ETV6: variants seen among roughly 807,000 people sequenced by gnomAD.
ETV6 encodes transcription factor ETV6.
In ETV6, 16 loss-of-function variants were observed where a neutral mutation model predicts 51.1. The ratio of observed to expected loss-of-function variants is 0.31; its 90% CI spans 0.21 to 0.48. The LOEUF is 0.48. ETV6 is among the 20% of genes least tolerant of loss of function. ETV6 has a pLI of 0.99. For missense variants in ETV6, 458 were observed against 594.8 expected, an observed-to-expected ratio of 0.77 and a Z score of 2.39; for synonymous variants, 240 against 224.1, an observed-to-expected ratio of 1.07 and a Z score of -0.64.
chr12:11,785,214 G>C (rs960123465), intron 2 of ETV6, among the ~76,000 whole-genome samples: 1 of 152,080 alleles, frequency 6.6e-6, no homozygotes. Flanking sequence ...GCCGTACCAA[G>C]CATGTTCCTA....
At chr12:11,772,606 T>C (rs529575802) in intron 2 of ETV6, among the ~76,000 whole-genome samples, 2 of 152,302 alleles carry the variant, frequency 1.3e-5, no homozygotes, top group Admixed American at 6.5e-5. Context: ...AGTAATTGAT[T>C]GCATATTTCC....
At chr12:11,660,645 C>T (rs2250825) in intron 1 of ETV6, among the ~76,000 whole-genome samples, 108,032 of 148,784 alleles carry the variant, frequency 0.73, 43,126 homozygotes, top group Non-Finnish European at 0.87. Flanking sequence ...TGGGAATTTG[C>T]TAAGCTCTTT....
intron 1 of ETV6, among the ~76,000 whole-genome samples, chr12:11,750,466 A>G (rs1462042733): frequency 6.6e-6 from 1 of 152,196 alleles, no homozygotes; most frequent in African/African-American, 2.4e-5. Context: ...CTTTGCTTCA[A>G]GGGAAAGAAG....
chr12:11,745,359 A>T (rs1425018933), intron 1 of ETV6, among the ~76,000 whole-genome samples: 3 of 152,214 alleles, frequency 2.0e-5, no homozygotes, highest in Non-Finnish European at 4.4e-5. Flanking sequence ...TCGCCCATTT[A>T]TCTGGAGACT....
At chr12:11,776,219 G>A (rs2723828) in intron 2 of ETV6, among the ~76,000 whole-genome samples, 113,257 of 151,982 alleles carry the variant, frequency 0.75, 43,583 homozygotes, top group South Asian at 0.94. Flanking sequence ...ATGAGGATGC[G>A]GGACATTGTG....
chr12:11,787,399 T>C (rs1945503652), intron 2 of ETV6, among the ~76,000 whole-genome samples: 1 of 152,238 alleles, frequency 6.6e-6, no homozygotes, highest in African/African-American at 2.4e-5. Flanking sequence ...TTAATTTATA[T>C]TGATTATCTG....
intron 1 of ETV6, among the ~76,000 whole-genome samples, chr12:11,711,209 G>A (rs1021587531): frequency 1.3e-5 from 2 of 152,092 alleles, no homozygotes; most frequent in East Asian, 1.9e-4. Context: ...CTCCTTTCTC[G>A]TTTTCTTTTC....
chr12:11,729,320 G>A (rs1032630026), intron 1 of ETV6, among the ~76,000 whole-genome samples: 4 of 152,172 alleles, frequency 2.6e-5, no homozygotes, highest in Non-Finnish European at 4.4e-5. Context: ...CATCTGGGTG[G>A]GAGCACTAGA....
chr12:11,797,301 C>T (rs1193162498), intron 2 of ETV6, among the ~76,000 whole-genome samples: 1 of 152,122 alleles, frequency 6.6e-6, no homozygotes, highest in African/African-American at 2.4e-5. Context: ...TCGGCTGTAC[C>T]CACAGAGTCA....
At chr12:11,858,917 T>C (rs1488735124) in intron 4 of ETV6, among the ~76,000 whole-genome samples, 1 of 152,092 alleles carries the variant, frequency 6.6e-6, no homozygotes, top group Non-Finnish European at 1.5e-5. Context: ...TTGAGAGAAG[T>C]CATTTCTTTG....
intron 2 of ETV6, among the ~76,000 whole-genome samples, chr12:11,785,406 A>T (rs572191940): frequency 1.4e-4 from 21 of 152,162 alleles, no homozygotes; most frequent in South Asian, 8.3e-4. Context: ...ATTTATCACC[A>T]TTTGACACAG....
At chr12:11,833,035 T>A (rs993119564) in intron 2 of ETV6, among the ~76,000 whole-genome samples, 3 of 152,200 alleles carry the variant, frequency 2.0e-5, no homozygotes, top group Non-Finnish European at 4.4e-5. Flanking sequence ...TGCAGCAGGC[T>A]GGGATGATGG....
intron 2 of ETV6, among the ~76,000 whole-genome samples, chr12:11,831,619 A>G (rs546903044): frequency 6.6e-6 from 1 of 152,360 alleles, no homozygotes; most frequent in Admixed American, 6.5e-5. Flanking sequence ...AATATCACCT[A>G]CAATTTTACT....
chr12:11,734,789 A>G (rs991492779), intron 1 of ETV6, among the ~76,000 whole-genome samples: 1 of 137,158 alleles, frequency 7.3e-6, no homozygotes, highest in Non-Finnish European at 1.7e-5. Flanking sequence ...CTATGAAGTC[A>G]CACAGTAAGT....
chr12:11,894,350 C>T lies in ETV6; in HGVS notation c.*3304C>T. 4.3e-6 allele frequency: 1 copy of T among 233,110 alleles called. No individual in the cohort carries two copies. Among genetic ancestry groups the T allele is most frequent in the South Asian group, 1.8e-4 (1 of 5,524 alleles). 14.4% of individuals were successfully genotyped at this position (233,110 alleles called of 1,614,324 possible). On this transcript the variant is annotated 3_prime_UTR_variant, in exon 8 of 8. Transcript: ENST00000396373. ...CTACATCTCAAGCTAGCCAGGCAGT[C>T]TCCTCTCTATCAGAAGAAAGCACTG...
At chr12:11,833,799 A>T (rs1946277299) in intron 2 of ETV6, among the ~76,000 whole-genome samples, 1 of 152,198 alleles carries the variant, frequency 6.6e-6, no homozygotes, top group African/African-American at 2.4e-5. Context: ...AGGCTACACA[A>T]AAAGCACTAT....
chr12:11,707,280 G>A (rs985714930), intron 1 of ETV6, among the ~76,000 whole-genome samples: 4 of 152,226 alleles, frequency 2.6e-5, no homozygotes, highest in East Asian at 1.9e-4. Context: ...AGAATCCTGA[G>A]CAGCGGGCTC....
intron 2 of ETV6, among the ~76,000 whole-genome samples, chr12:11,790,155 G>A (rs114877445): frequency 0.03 from 4,349 of 147,302 alleles, 124 homozygotes; most frequent in African/African-American, 0.073. Flanking sequence ...TTTTTTGTTC[G>A]ACTTGTTCTT....
chr12:11,769,087 A>T, intron 2 of ETV6: 1 of 404,452 alleles, frequency 2.5e-6, no homozygotes. Context: ...TTTATTGAGC[A>T]CCTACTGTGC....
Sources: allele counts gnomAD v4.1 joint callset (sites outside exome capture counted in the v4.1 genomes callset), GRCh38; gene constraint gnomAD v4.1.1; transcripts MANE v1.5; gene names NCBI Gene and HGNC (gene_info 2026-07-23, HGNC 2026-07-21).